CDK6: variants seen among roughly 807,000 people sequenced by gnomAD.
The protein encoded by CDK6 is cyclin-dependent kinase 6.
In CDK6, 6 loss-of-function variants were observed where a neutral mutation model predicts 37.1. That is an observed-to-expected ratio of 0.16 (90% CI 0.09 to 0.32). CDK6 has a LOEUF of 0.32. Among genes scored for constraint, CDK6 ranks in the 10% least tolerant of loss-of-function variants. The pLI, the probability that CDK6 is intolerant of heterozygous loss-of-function variation, is 1.00. For synonymous variants in CDK6, 160 were observed against 161.3 expected, an observed-to-expected ratio of 0.99 and a Z score of 0.06; for missense variants, 224 against 418.9, an observed-to-expected ratio of 0.53 and a Z score of 4.06.
At chr7:92,642,623 T>C (rs765592509) in intron 5 of CDK6, among the ~76,000 whole-genome samples, 1 of 152,208 alleles carries the variant, frequency 6.6e-6, no homozygotes. Flanking sequence ...ACTGAACATG[T>C]ACAATGCAAA....
chr7:92,620,640 T>C (rs1795786725), intron 6 of CDK6, among the ~76,000 whole-genome samples: 1 of 151,932 alleles, frequency 6.6e-6, no homozygotes, highest in African/African-American at 2.4e-5. Context: ...ATGGACCAGG[T>C]GGGGTGGCTG....
At chr7:92,650,950 T>C (rs1796559755) in intron 5 of CDK6, among the ~76,000 whole-genome samples, 1 of 151,912 alleles carries the variant, frequency 6.6e-6, no homozygotes, top group Non-Finnish European at 1.5e-5. Flanking sequence ...AGTGCAATGG[T>C]GCAATCTCGG....
intron 3 of CDK6, among the ~76,000 whole-genome samples, chr7:92,771,351 A>G (rs576424746): frequency 6.6e-6 from 1 of 151,858 alleles, no homozygotes; most frequent in East Asian, 1.9e-4. Context: ...TCAAAAAAAA[A>G]TAAAAATATC....
chr7:92,644,071 T>C (rs1200429395), intron 5 of CDK6, among the ~76,000 whole-genome samples: 2 of 152,214 alleles, frequency 1.3e-5, no homozygotes, highest in Non-Finnish European at 2.9e-5. Context: ...CTGGGTCCAA[T>C]TTTCTTTCTC....
intron 3 of CDK6, among the ~76,000 whole-genome samples, chr7:92,749,545 A>T (rs1374133606): frequency 2.6e-5 from 4 of 152,216 alleles, no homozygotes; most frequent in Non-Finnish European, 5.9e-5. Context: ...GTCCAAAACC[A>T]AACCTGAAAT....
intron 4 of CDK6, among the ~76,000 whole-genome samples, chr7:92,672,170 C>CACAG: frequency 9.9e-6 from 1 of 101,432 alleles, no homozygotes; most frequent in East Asian, 2.7e-4. Context: ...TACACATACA[C>CACAG]ACACACACAC....
At position 92,608,384 on chromosome 7, in the gene CDK6, A is replaced by G. The variant is rs1292299204; in HGVS notation, c.*6756T>C. 1 of 231,520 alleles carries G rather than the reference A, an allele frequency of 4.3e-6. No individual in the cohort carries two copies. Among genetic ancestry groups the G allele is most frequent in the African/African-American group, 2.2e-5 (1 of 45,280 alleles). The allele number at this position is 231,520 out of a possible 1,614,324, so 14.3% of individuals were successfully genotyped here. ...TAACAAAGAAAAAGAGAGAAAAGAA[A>G]CTGGAAGCTAAAGAATTGAGAGCTT... On this transcript the variant is annotated 3_prime_UTR_variant, in exon 8 of 8. Coordinates refer to ENST00000424848, the MANE Select transcript of CDK6 (RefSeq NM_001145306.2).
At chr7:92,717,715 G>C (rs1169770863) in intron 4 of CDK6, among the ~76,000 whole-genome samples, 2 of 152,162 alleles carry the variant, frequency 1.3e-5, no homozygotes, top group East Asian at 3.9e-4. Flanking sequence ...ACTTATGAAG[G>C]AGCTAGAATT....
rs1333685559 is a variant in CDK6 at position 92,615,239 on chromosome 7, G to T, written c.882C>A (p.Ala294=). ...NPAKRISAYS[A]LSHPYFQDLE... is the part of the protein sequence containing the mutation. ...GGTCCTGGAAGTATGGGTGAGACAG[G>T]GCACTGTAGGCAGATATTCTTTTGG... Residue 294 remains alanine, a synonymous_variant, in exon 8 of 8, where the codon GCC becomes GCA. Transcript: ENST00000424848. The T allele has an allele frequency of 2.5e-6, 4 of 1,613,944 alleles. No homozygotes were observed. Among genetic ancestry groups the T allele is most frequent in the African/African-American group, 1.3e-5 (1 of 74,906 alleles).
chr7:92,777,394 G>C (rs894148277), intron 2 of CDK6, among the ~76,000 whole-genome samples: 1 of 152,172 alleles, frequency 6.6e-6, no homozygotes, highest in Non-Finnish European at 1.5e-5. Flanking sequence ...TTACAGGCAT[G>C]GGCCACCACG....
rs555410001 is a variant in CDK6 at position 92,833,341 on chromosome 7, C to A, written c.-18G>T. On this transcript the variant is annotated 5_prime_UTR_variant, in exon 2 of 8. Transcript: ENST00000424848. This position sits in a 1 kb window ranked among gnomAD's most constrained non-coding sequence, Gnocchi z 6.1. ...TTCTCCATGCCGCCTGGACGCCGCC[C>A]GCCGCGGCGCCGCTGGGGCGGGCGG... 6.5e-7 allele frequency: 1 copy of A among 1,538,498 alleles called. No individual in the cohort carries two copies. Among genetic ancestry groups the A allele is most frequent in the Non-Finnish European group, 8.8e-7 (1 of 1,140,802 alleles).
intron 7 of CDK6, among the ~76,000 whole-genome samples, chr7:92,616,620 CT>C (rs1408754121): frequency 1.3e-5 from 2 of 152,196 alleles, no homozygotes; most frequent in Non-Finnish European, 2.9e-5. Flanking sequence ...ATTCCTGAGC[CT>C]GAGTTCTCTT....
chr7:92,756,003 T>C (rs1235043802), intron 3 of CDK6, among the ~76,000 whole-genome samples: 1 of 151,934 alleles, frequency 6.6e-6, no homozygotes, highest in African/African-American at 2.4e-5. Context: ...TTTTGCAAGG[T>C]TGGAGAATCT....
intron 4 of CDK6, among the ~76,000 whole-genome samples, chr7:92,702,205 A>T (rs1223935309): frequency 9.0e-5 from 10 of 111,456 alleles, no homozygotes; most frequent in Admixed American, 4.0e-4. Flanking sequence ...AATATGTTGC[A>T]TTATCAAGTA....
intron 5 of CDK6, among the ~76,000 whole-genome samples, chr7:92,651,748 TA>T (rs1336947145): frequency 6.7e-6 from 1 of 149,664 alleles, no homozygotes; most frequent in Admixed American, 6.6e-5. Flanking sequence ...GAAATAATAC[TA>T]AAAAACTTTT....
intron 2 of CDK6, among the ~76,000 whole-genome samples, chr7:92,789,661 T>C (rs904791038): frequency 7.9e-5 from 12 of 152,198 alleles, no homozygotes; most frequent in African/African-American, 2.9e-4. Flanking sequence ...ACTGCTCATA[T>C]CTTGAGGAAC....
intron 4 of CDK6, among the ~76,000 whole-genome samples, chr7:92,693,042 T>C (rs73710436): frequency 1.8e-4 from 28 of 152,302 alleles, no homozygotes; most frequent in African/African-American, 5.8e-4. Flanking sequence ...CCCTTCTCAG[T>C]TGGTATTTTT....
chr7:92,830,932 G>A (rs1801462372), intron 2 of CDK6, among the ~76,000 whole-genome samples: 1 of 152,188 alleles, frequency 6.6e-6, no homozygotes, highest in African/African-American at 2.4e-5. Context: ...ACCCCTCCCT[G>A]TGAAGCTGCT....
At chr7:92,806,550 A>C (rs1337936638) in intron 2 of CDK6, among the ~76,000 whole-genome samples, 1 of 152,182 alleles carries the variant, frequency 6.6e-6, no homozygotes, top group Non-Finnish European at 1.5e-5. Context: ...AGGAATGAAG[A>C]ACCTAATTTT....
Sources: allele counts gnomAD v4.1 joint callset (sites outside exome capture counted in the v4.1 genomes callset), GRCh38; gene constraint gnomAD v4.1.1; non-coding constraint Gnocchi (gnomAD v3.1); transcripts MANE v1.5; gene names NCBI Gene and HGNC (gene_info 2026-07-23, HGNC 2026-07-21).